The following KCTD18 variants were observed in gnomAD, a reference collection of about 807,000 sequenced individuals.
KCTD18 encodes BTB/POZ domain-containing protein KCTD18.
Under a neutral mutation model 30.4 loss-of-function variants are expected in KCTD18, and 22 were observed. The observed-to-expected ratio is 0.72, with a 90% CI of 0.52 to 1.03. KCTD18 has a LOEUF of 1.03. Among genes scored for constraint, KCTD18 ranks in the 50% least tolerant of loss-of-function variants. The probability of loss-of-function intolerance (pLI) is 0.00; values close to 1 mark genes in which losing one functional copy is unlikely to be tolerated. For synonymous variants in KCTD18, 186 were observed against 209.0 expected (o/e 0.89, Z 0.95); for missense variants, 529 against 547.6 (o/e 0.97, Z 0.34).
chr2:200,493,870 C>T (rs1168813460), intron 5 of KCTD18, among the ~76,000 whole-genome samples: 1 of 152,146 alleles, frequency 6.6e-6, no homozygotes, highest in African/African-American at 2.4e-5. Context: ...CACTGGGTTG[C>T]TGTAACATCA....
In KCTD18 at chr2:200,490,309, G is replaced by A. The variant is rs551272636; in HGVS notation, c.1072C>T (p.His358Tyr). 29 of 1,614,240 alleles carry A rather than the reference G, an allele frequency of 1.8e-5. No homozygotes were observed. Among genetic ancestry groups the A allele is most frequent in the Non-Finnish European group, 2.1e-5 (25 of 1,180,022 alleles). Residue 358 changes from histidine (H) to tyrosine (Y), a missense_variant, in exon 7 of 7, where the codon CAC (histidine) becomes TAC (tyrosine). Physicochemically the swap from His to Tyr is moderately conservative, Grantham distance 83. Transcript: ENST00000359878. ...GAASAENGGT[H>Y]LPPAKVLLSD... ...AGTAGCACCTTAGCTGGAGGTAAGT[G>A]CGTGCCTCCATTTTCAGCGCTCGCA...
intron 3 of KCTD18, among the ~76,000 whole-genome samples, chr2:200,503,663 T>C (rs2029994246): frequency 6.6e-6 from 1 of 152,194 alleles, no homozygotes; most frequent in Non-Finnish European, 1.5e-5. Context: ...ATGAATAACT[T>C]CAGTAGCAGA....
At position 200,490,458 on chromosome 2, in the gene KCTD18, C is replaced by G; in HGVS notation, c.923G>C (p.Gly308Ala). ...SPASAIQTSA[G>A]ATANRFQSGS... Reference sequence around the variant, plus strand: ...ACTTTGAAACCGGTTTGCTGTCGCCCCAGCCGACGTCTGGATGGCACTGGC... The same window carrying G: ...ACTTTGAAACCGGTTTGCTGTCGCCGCAGCCGACGTCTGGATGGCACTGGC... The change falls in exon 7 of 7, where the codon GGG (glycine) becomes GCG (alanine). Residue 308 changes from glycine to alanine, a missense_variant. Transcript: ENST00000359878. 6.2e-7 allele frequency: 1 copy of G among 1,613,780 alleles called. No homozygotes were observed. Among genetic ancestry groups the G allele is most frequent in the Non-Finnish European group, 8.5e-7 (1 of 1,180,020 alleles).
At chr2:200,497,104 A>G (rs911551917) in intron 5 of KCTD18, 5 of 152,256 alleles carry the variant, frequency 3.3e-5, no homozygotes, top group African/African-American at 1.2e-4. Context: ...CACTCAATAC[A>G]TGGTTGTTAA....
At chr2:200,493,312 C>T in intron 5 of KCTD18, 38 bp from the exon 6 acceptor site, 1 of 1,172,302 alleles carries the variant, frequency 8.5e-7, no homozygotes, top group Non-Finnish European at 1.3e-6. Flanking sequence ...CAGCTACCAT[C>T]CACTGCAAAA....
chr2:200,491,252 C>T lies in KCTD18; in HGVS notation c.765-636G>A, dbSNP rs145340303. ...CCTGGCATCTCTTGCTGTCTCTCAC[C>T]GTGTGACATATCTGCTTCCCTTCAC... On this transcript the variant is annotated intron_variant, in intron 6 of 6. Coordinates refer to ENST00000359878, the MANE Select transcript of KCTD18 (RefSeq NM_152387.4). 2.2e-4 allele frequency among the ~76,000 whole-genome samples: 33 copies of T among 152,220 alleles called. 1 individual carries two copies. Among genetic ancestry groups the T allele is most frequent in the East Asian group, 2.1e-3 (11 of 5,172 alleles).
chr2:200,505,469 G>A (rs762043433), intron 2 of KCTD18, among the ~76,000 whole-genome samples: 2 of 152,144 alleles, frequency 1.3e-5, no homozygotes, highest in Non-Finnish European at 2.9e-5. Flanking sequence ...GTGGACCTTT[G>A]CGTTCTCACT....
rs775134411 is a variant in KCTD18, at chr2:200,490,083, C to G, written c.*17G>C. On this transcript the variant is annotated 3_prime_UTR_variant, in exon 7 of 7. Transcript: ENST00000359878. The stretch of plus-strand genomic sequence containing the variant: ...GCTTTGGGAGATGAACGGGAAATTT[C>G]AAGTCCACCACTTTCATCAATTTCC... The G allele has an allele frequency of 4.6e-6, 7 of 1,538,382 alleles. No individual in the cohort carries two copies. The highest frequency in any genetic ancestry group is 3.9e-5 in the Admixed American group (2 of 51,032).
chr2:200,502,891 G>C lies in KCTD18; in HGVS notation c.372+1857C>G, dbSNP rs943483905. Among the ~76,000 whole-genome samples, 6 of 152,130 alleles carry C rather than the reference G, an allele frequency of 3.9e-5. No homozygotes were observed. In the East Asian group the frequency reaches 9.6e-4, roughly 24 times the overall value. On this transcript the variant is annotated intron_variant, in intron 3 of 6. Transcript: ENST00000359878. Reference sequence around the variant, plus strand: ...ACTAAAAATACAAAATTAGCTGGGCGTGGTGGCACATGCCTGTAATCCCAG... The same window carrying C: ...ACTAAAAATACAAAATTAGCTGGGCCTGGTGGCACATGCCTGTAATCCCAG...
chr2:200,503,121 T>G (rs961201944), intron 3 of KCTD18, among the ~76,000 whole-genome samples: 4 of 151,930 alleles, frequency 2.6e-5, no homozygotes, highest in African/African-American at 9.7e-5. Context: ...CCAGTGAAGC[T>G]GCCAGGGCCT....
rs772263992 is a variant in KCTD18 at position 200,498,886 on chromosome 2, CA to C, written c.566+4del. 1.2e-6 allele frequency: 2 copies of C among 1,611,780 alleles called. No individual in the cohort carries two copies. The highest frequency in any genetic ancestry group is 2.2e-5 in the South Asian group (2 of 90,946). Reference sequence around the variant, plus strand: ...GTTCTTTTTCACATTTAAATTTGGACATACCTTTTAAAAATGCCTTTGCTGT... The same window carrying C: ...GTTCTTTTTCACATTTAAATTTGGACTACCTTTTAAAAATGCCTTTGCTGT... On this transcript the variant is annotated splice_donor_region_variant and intron_variant, in intron 4 of 6. Transcript: ENST00000359878.
intron 3 of KCTD18, among the ~76,000 whole-genome samples, chr2:200,504,309 A>C (rs2030038438): frequency 6.6e-6 from 1 of 152,104 alleles, no homozygotes; most frequent in African/African-American, 2.4e-5. Flanking sequence ...AATACAAAAA[A>C]TTAGCTGGGC....
chr2:200,502,190 T>G (rs1296407574), intron 3 of KCTD18, among the ~76,000 whole-genome samples: 1 of 152,030 alleles, frequency 6.6e-6, no homozygotes, highest in Non-Finnish European at 1.5e-5. Flanking sequence ...TAATGCTAGA[T>G]GATGAGTTAG....
intron 2 of KCTD18, among the ~76,000 whole-genome samples, chr2:200,506,226 T>G: frequency 6.6e-6 from 1 of 152,216 alleles, no homozygotes. Flanking sequence ...TGATGAACTT[T>G]CTTTACAAAC....
intron 2 of KCTD18, 72 bp downstream of exon 2, chr2:200,506,785 A>C: frequency 7.1e-7 from 1 of 1,409,228 alleles, no homozygotes; most frequent in Non-Finnish European, 9.9e-7. Flanking sequence ...CGCTGTAATT[A>C]AGAAAATCAA....
Position 200,489,981 on chromosome 2 carries a change from G to C in KCTD18, c.*119C>G. ...CCTAGCTCACACAATTCCAGGAACA[G>C]AATCCTCAACATAAACCTAAGCTTC... On this transcript the variant is annotated 3_prime_UTR_variant, in exon 7 of 7. Coordinates refer to ENST00000359878, the MANE Select transcript of KCTD18 (RefSeq NM_152387.4). 9.4e-7 allele frequency: 1 copy of C among 1,063,296 alleles called. No individual in the cohort carries two copies. The highest frequency in any genetic ancestry group is 1.9e-5 in the South Asian group (1 of 54,038). The allele number at this position is 1,063,296 out of a possible 1,614,324, so 65.9% of individuals were successfully genotyped here. A position where few individuals can be genotyped will look rare whatever the true frequency, so the allele number is the denominator to read the frequency against.
At chr2:200,508,678 C>T (rs940269302) in intron 1 of KCTD18, among the ~76,000 whole-genome samples, 2 of 152,156 alleles carry the variant, frequency 1.3e-5, no homozygotes, top group Non-Finnish European at 1.5e-5. Context: ...CTGAGGAAGA[C>T]CATGTGTGTA....
rs149643879 is a variant in KCTD18 at position 200,508,411 on chromosome 2, A to AT, written c.-76+1216dup. Among the ~76,000 whole-genome samples the AT allele has an allele frequency of 9.2e-3, 1,393 of 152,222 alleles. 16 individuals carry two copies. The highest frequency in any genetic ancestry group is 0.032 in the African/African-American group (1,318 of 41,544). On this transcript the variant is annotated intron_variant, in intron 1 of 6. Transcript: ENST00000359878. ...GGCCCAGGGAAGGTTTAAGGGTTGGATTTTTTTAATCCATTCTGGAGATCA... is the reference window on the plus strand; with the variant it reads ...GGCCCAGGGAAGGTTTAAGGGTTGGATTTTTTTTAATCCATTCTGGAGATCA...
intron 3 of KCTD18, among the ~76,000 whole-genome samples, chr2:200,502,169 G>C (rs2088097008): frequency 6.6e-6 from 1 of 152,018 alleles, no homozygotes; most frequent in Non-Finnish European, 1.5e-5. Flanking sequence ...GATAGCATTG[G>C]GAGATATACC....
Sources: allele counts gnomAD v4.1 joint callset (sites outside exome capture counted in the v4.1 genomes callset), GRCh38; gene constraint gnomAD v4.1.1; transcripts MANE v1.5; gene names NCBI Gene and HGNC (gene_info 2026-07-23, HGNC 2026-07-21).